DIPK2B: variants seen among roughly 807,000 people sequenced by gnomAD.
DIPK2B encodes the protein UPF0672 protein CXorf36.
DIPK2B carries 15 observed loss-of-function variants against 22.2 expected under a neutral mutation model. The ratio of observed to expected loss-of-function variants is 0.68; its 90% CI spans 0.45 to 1.04. The LOEUF is 1.04. DIPK2B is among the 50% of genes least tolerant of loss of function. The pLI is 0.00. For synonymous variants in DIPK2B, 163 were observed against 153.2 expected (o/e 1.06, Z -0.47); for missense variants, 345 against 348.3 (o/e 0.99, Z 0.08).
chrX:45,193,754 A>G (rs1283766400), intron 1 of DIPK2B, among the ~76,000 whole-genome samples: 1 of 112,548 alleles, frequency 8.9e-6, no homozygotes, highest in African/African-American at 3.2e-5. Context: ...GAAACAGTGT[A>G]ACATTGTAAT....
At chrX:45,160,819 T>A (rs951819788) in intron 2 of DIPK2B, among the ~76,000 whole-genome samples, 7 of 112,062 alleles carry the variant, frequency 6.2e-5, no homozygotes, top group African/African-American at 1.9e-4. Flanking sequence ...ATACGCATTT[T>A]ATGCTCAGCT....
intron 2 of DIPK2B, among the ~76,000 whole-genome samples, chrX:45,187,468 G>GCA (rs34308256): frequency 0.014 from 1,401 of 98,452 alleles, 17 homozygotes; most frequent in African/African-American, 0.044. Context: ...GCGCGCGCGC[G>GCA]CACACACACA....
In DIPK2B at chrX:45,155,961, C is replaced by CTTTTTTTT. The variant is rs757375184; in HGVS notation, c.672+1746_672+1753dup. Among the ~76,000 whole-genome samples the CTTTTTTTT allele has an allele frequency of 6.2e-4, 34 of 55,257 alleles. 3 individuals are homozygous for CTTTTTTTT. The highest frequency in any genetic ancestry group is 1.3e-3 in the African/African-American group (18 of 13,760). 48.0% of individuals were successfully genotyped at this position (55,257 alleles called of 115,157 possible). On this transcript the variant is annotated intron_variant, in intron 3 of 4. Transcript: ENST00000398000. ...AGTTTCCCCTGCCTAAAGGGGACCTCTTTTTTTTTTTTTTTTTTTTTTTTA... is the reference window on the plus strand; with the variant it reads ...AGTTTCCCCTGCCTAAAGGGGACCTCTTTTTTTTTTTTTTTTTTTTTTTTTTTTTTTTA...
rs146956548 is a variant in DIPK2B, at chrX:45,162,350, A to G, written c.499-4462T>C. The G allele has an allele frequency of 5.4e-3, 4,024 of 744,213 alleles. 129 individuals are homozygous for G. In the African/African-American group the frequency reaches 0.086, roughly 16 times the overall value. The allele number at this position is 744,213 out of a possible 1,213,427, so 61.3% of individuals were successfully genotyped here. Reference sequence around the variant, plus strand: ...TGTTGAAATGGTTTAATACACAACAATAGATAACTGCTATATTTGCTGAGA... The same window carrying G: ...TGTTGAAATGGTTTAATACACAACAGTAGATAACTGCTATATTTGCTGAGA... On this transcript the variant is annotated intron_variant, in intron 2 of 4. Coordinates refer to ENST00000398000, the MANE Select transcript of DIPK2B (RefSeq NM_176819.4).
Position 45,200,593 on chromosome X carries a change from C to A in DIPK2B, c.233+1G>T, listed in dbSNP as rs2047261744. On this transcript the variant is annotated splice_donor_variant, in intron 1 of 4. Transcript: ENST00000398000. LOFTEE classifies it high-confidence loss of function. ...CAGAGTTATTTGATTGATATTCTGA[C>A]CTTATTTCTTCTTTAAAGAACTTCT... The A allele has an allele frequency of 8.3e-7, 1 of 1,201,253 alleles. No individual in the cohort carries two copies. The highest frequency in any genetic ancestry group is 1.7e-5 in the African/African-American group (1 of 57,307).
intron 2 of DIPK2B, among the ~76,000 whole-genome samples, chrX:45,171,769 G>A (rs2047083228): frequency 8.9e-6 from 1 of 112,732 alleles, no homozygotes; most frequent in Admixed American, 9.3e-5. Context: ...GTGCTATATA[G>A]GCCTTGTGCT....
intron 2 of DIPK2B, among the ~76,000 whole-genome samples, chrX:45,186,953 T>C (rs915200626): frequency 1.8e-5 from 2 of 112,844 alleles, no homozygotes; most frequent in Non-Finnish European, 3.7e-5. Flanking sequence ...TTAGATTATA[T>C]AATGAACATG....
Position 45,191,811 on chromosome X carries a change from C to T in DIPK2B, c.438G>A (p.Arg146=). Residue 146 remains arginine, a synonymous_variant, in exon 2 of 5, where the codon CGG becomes CGA. Transcript: ENST00000398000. ...GCCATTTCTGGAACCTCTCTGTTTTCCGCAGGACACGCTCAATGCTGCAGG... is the reference window on the plus strand; with the variant it reads ...GCCATTTCTGGAACCTCTCTGTTTTTCGCAGGACACGCTCAATGCTGCAGG... The part of the protein sequence containing the change: ...PKTCSIERVL[R]KTERFQKWLQ... 8.3e-7 allele frequency: 1 copy of T among 1,212,057 alleles called. No individual in the cohort carries two copies. The highest frequency in any genetic ancestry group is 1.1e-6 in the Non-Finnish European group (1 of 895,530).
intron 2 of DIPK2B, among the ~76,000 whole-genome samples, chrX:45,171,847 A>C (rs185772980): frequency 1.8e-5 from 2 of 112,529 alleles, no homozygotes; most frequent in East Asian, 5.6e-4. Flanking sequence ...CTTGGTAATC[A>C]TACCTCTGCC....
chrX:45,154,317 A>ATCTG (rs1196878461), intron 3 of DIPK2B, 119 bp from the exon 4 acceptor site: 29 of 503,669 alleles, frequency 5.8e-5, no homozygotes, highest in East Asian at 2.0e-4. Flanking sequence ...CTATCTATCT[A>ATCTG]TCTGTCTATC....
At chrX:45,167,598 T>G (rs2047055974) in intron 2 of DIPK2B, among the ~76,000 whole-genome samples, 1 of 111,303 alleles carries the variant, frequency 9.0e-6, no homozygotes, top group Non-Finnish European at 1.9e-5. Flanking sequence ...TTCTGATTAT[T>G]TTTTCCACTG....
At chrX:45,159,382 T>A (rs1217329216) in intron 2 of DIPK2B, among the ~76,000 whole-genome samples, 4 of 111,833 alleles carry the variant, frequency 3.6e-5, no homozygotes, top group Non-Finnish European at 5.6e-5. Flanking sequence ...AATACTGAGA[T>A]GTAGAGAGAT....
chrX:45,176,426 T>A (rs1160364751), intron 2 of DIPK2B, among the ~76,000 whole-genome samples: 2 of 112,273 alleles, frequency 1.8e-5, no homozygotes, highest in Non-Finnish European at 3.8e-5. Flanking sequence ...GAGTCATTTA[T>A]ATTCTACAGT....
At chrX:45,194,255 AT>A (rs34556031) in intron 1 of DIPK2B, among the ~76,000 whole-genome samples, 7 of 91,181 alleles carry the variant, frequency 7.7e-5, no homozygotes, top group African/African-American at 1.1e-4. Context: ...GAACCCATTA[AT>A]TTTTTTTTTT....
Position 45,151,942 on chromosome X carries a change from G to T in DIPK2B, c.1012C>A (p.Leu338Met). ...AGCTGGGCCTGGCAGCCGGAAACCA[G>T]GCAGCTAAAAATGTCTTTATTCTCT... The part of the protein sequence containing the change: ...AGENKDIFSC[L>M]VSGCQAQLPS... The change falls in exon 5 of 5, where the codon CTG becomes ATG. Residue 338 changes from leucine to methionine, a missense_variant. Coordinates refer to ENST00000398000, the MANE Select transcript of DIPK2B (RefSeq NM_176819.4). 8.4e-7 allele frequency: 1 copy of T among 1,196,397 alleles called. No individual in the cohort carries two copies. The highest frequency in any genetic ancestry group is 1.1e-6 in the Non-Finnish European group (1 of 887,222).
chrX:45,153,859 T>A (rs1045450355), intron 4 of DIPK2B, 51 bp downstream of exon 4: 44 of 1,135,679 alleles, frequency 3.9e-5, no homozygotes, highest in Non-Finnish European at 4.9e-5. Flanking sequence ...CTAGCTCCTG[T>A]CACCCTGACT....
At position 45,182,143 on chromosome X, in the gene DIPK2B, T is replaced by C. The variant is rs148984885; in HGVS notation, c.498+9608A>G. On this transcript the variant is annotated intron_variant, in intron 2 of 4. Transcript: ENST00000398000. ...CCAGCCTGGATGAAGATATTTGTAA[T>C]ACACAGCTCACAAAGAGCTTGTATC... Among the ~76,000 whole-genome samples the C allele has an allele frequency of 1.0e-4, 11 of 109,599 alleles. No individual in the cohort carries two copies. In the East Asian group the frequency reaches 3.1e-3, roughly 31 times the overall value.
intron 2 of DIPK2B, among the ~76,000 whole-genome samples, chrX:45,188,887 G>T (rs1206009441): frequency 9.0e-6 from 1 of 111,530 alleles, no homozygotes; most frequent in Non-Finnish European, 1.9e-5. Flanking sequence ...TGTTTTCAAG[G>T]TTTACCTATG....
intron 2 of DIPK2B, among the ~76,000 whole-genome samples, chrX:45,167,027 G>A (rs955543408): frequency 8.9e-6 from 1 of 112,400 alleles, no homozygotes; most frequent in African/African-American, 3.2e-5. Flanking sequence ...CATGTGAAAT[G>A]GGACTTAGGT....
Sources: allele counts gnomAD v4.1 joint callset (sites outside exome capture counted in the v4.1 genomes callset), GRCh38; gene constraint gnomAD v4.1.1; transcripts MANE v1.5; gene names NCBI Gene and HGNC (gene_info 2026-07-23, HGNC 2026-07-21).